The following BANK1 variants were observed in gnomAD, a reference collection of about 807,000 sequenced individuals.
BANK1 encodes the protein B cell scaffold protein with ankyrin repeats 1, also known as B-cell scaffold protein with ankyrin repeats.
A neutral mutation model predicts 94.5 loss-of-function variants in BANK1; 95 were observed. That is an observed-to-expected ratio of 1.00 (90% CI 0.85 to 1.19). The LOEUF (loss-of-function observed/expected upper bound fraction) is 1.19, where lower values mean the gene tolerates loss of function less well. Ranked by LOEUF, BANK1 falls within the 50% of genes most tolerant of loss-of-function variation. The probability of loss-of-function intolerance (pLI) is 0.00; values close to 1 mark genes in which losing one functional copy is unlikely to be tolerated. For missense variants in BANK1, 987 were observed against 932.2 expected (o/e 1.06, Z -0.77); for synonymous variants, 334 against 308.4 (o/e 1.08, Z -0.87).
chr4:102,051,137 A>G (rs749784800), intron 11 of BANK1, among the ~76,000 whole-genome samples: 1 of 152,182 alleles, frequency 6.6e-6, no homozygotes, highest in Non-Finnish European at 1.5e-5. Flanking sequence ...AGACCTGGAG[A>G]AATGGGGAAG....
chr4:101,983,780 G>C lies in BANK1; in HGVS notation c.1207-37734G>C, dbSNP rs1223593739. 2.6e-5 allele frequency among the ~76,000 whole-genome samples: 4 copies of C among 152,062 alleles called. No individual in the cohort carries two copies. The East Asian group carries it at 7.7e-4, about 29-fold the overall frequency. On this transcript the variant is annotated intron_variant, in intron 7 of 16. Transcript: ENST00000322953. ...TTATTTAGCTGAAAGCATTAGATTT[G>C]TCAGTGCTTCAAAGCCTCCCCAAAT... is the stretch of plus-strand genomic sequence containing the variant.
chr4:101,886,056 C>G (rs1560616730), intron 5 of BANK1, among the ~76,000 whole-genome samples: 1 of 152,144 alleles, frequency 6.6e-6, no homozygotes, highest in Non-Finnish European at 1.5e-5. Context: ...TTTGGGACCA[C>G]TGTTGTATAT....
chr4:102,015,407 C>G (rs1726660017), intron 7 of BANK1, among the ~76,000 whole-genome samples: 2 of 152,066 alleles, frequency 1.3e-5, no homozygotes, highest in Non-Finnish European at 2.9e-5. Flanking sequence ...TTGGTAAATA[C>G]CATGACTTCA....
intron 7 of BANK1, among the ~76,000 whole-genome samples, chr4:101,946,290 C>A (rs1049791161): frequency 1.3e-5 from 2 of 151,912 alleles, no homozygotes; most frequent in African/African-American, 4.8e-5. Context: ...GCCAGTATGG[C>A]CAAATATAAA....
intron 10 of BANK1, among the ~76,000 whole-genome samples, chr4:102,030,596 G>A (rs186979207): frequency 0.017 from 541 of 31,722 alleles, 5 homozygotes; most frequent in African/African-American, 0.05. Flanking sequence ...CCCCCACCCC[G>A]CAACAGGCCC....
chr4:101,871,069 A>G (rs563199729), intron 5 of BANK1, among the ~76,000 whole-genome samples: 5 of 152,258 alleles, frequency 3.3e-5, no homozygotes, highest in Admixed American at 1.3e-4. Flanking sequence ...CAAAAAGGGA[A>G]CGTGTGGTGT....
intron 7 of BANK1, among the ~76,000 whole-genome samples, chr4:101,944,289 A>C (rs72916163): frequency 0.032 from 4,830 of 151,974 alleles, 270 homozygotes; most frequent in African/African-American, 0.11. Context: ...GTAAAACTAT[A>C]GTGAATAATA....
At chr4:101,936,490 A>G (rs1308731533) in intron 7 of BANK1, among the ~76,000 whole-genome samples, 1 of 150,504 alleles carries the variant, frequency 6.6e-6, no homozygotes, top group Admixed American at 6.6e-5. Flanking sequence ...ACATGTGTAT[A>G]CATATATGTA....
At chr4:102,050,161 C>T (rs1578479550) in intron 11 of BANK1, among the ~76,000 whole-genome samples, 1 of 152,270 alleles carries the variant, frequency 6.6e-6, no homozygotes, top group East Asian at 1.9e-4. Context: ...TTTTAATAAA[C>T]TTTCAATACT....
chr4:101,957,848 T>TC (rs1438963461), intron 7 of BANK1, among the ~76,000 whole-genome samples: 1 of 146,904 alleles, frequency 6.8e-6, no homozygotes, highest in East Asian at 2.0e-4. Flanking sequence ...TTTTTGCTTT[T>TC]TTTTTTTTTT....
At chr4:101,823,586 A>G (rs1051471128) in intron 1 of BANK1, among the ~76,000 whole-genome samples, 6 of 152,238 alleles carry the variant, frequency 3.9e-5, no homozygotes, top group Non-Finnish European at 7.3e-5. Flanking sequence ...CCAACTAGAC[A>G]TAAAAAGTGA....
intron 1 of BANK1, among the ~76,000 whole-genome samples, chr4:101,824,258 G>A (rs954573067): frequency 2.0e-5 from 3 of 152,164 alleles, no homozygotes; most frequent in South Asian, 2.1e-4. Context: ...TAGCACCAGC[G>A]AAAGTCCTCA....
At chr4:101,953,114 T>G (rs1227542699) in intron 7 of BANK1, among the ~76,000 whole-genome samples, 2 of 152,116 alleles carry the variant, frequency 1.3e-5, no homozygotes, top group Non-Finnish European at 2.9e-5. Flanking sequence ...AAGGCTGAGA[T>G]GATGGAAATG....
intron 11 of BANK1, among the ~76,000 whole-genome samples, chr4:102,059,189 C>A (rs1399957726): frequency 6.6e-6 from 1 of 152,162 alleles, no homozygotes; most frequent in Non-Finnish European, 1.5e-5. Flanking sequence ...CTGTTTCTTT[C>A]TTGAAGAGGC....
chr4:101,792,077 A>G (rs1435888286), intron 1 of BANK1, among the ~76,000 whole-genome samples: 1 of 152,212 alleles, frequency 6.6e-6, no homozygotes, highest in Non-Finnish European at 1.5e-5. Context: ...ATTTTGTTAG[A>G]GAATGGGGTA....
intron 13 of BANK1, among the ~76,000 whole-genome samples, chr4:102,067,017 G>A (rs948480821): frequency 2.6e-5 from 4 of 152,074 alleles, no homozygotes; most frequent in Non-Finnish European, 5.9e-5. Flanking sequence ...GAGAGAGAGG[G>A]TAAAGTAAGC....
intron 7 of BANK1, among the ~76,000 whole-genome samples, chr4:102,008,149 A>T (rs1726367010): frequency 6.6e-6 from 1 of 152,146 alleles, no homozygotes; most frequent in African/African-American, 2.4e-5. Flanking sequence ...GTACAAAGAG[A>T]TGTGGACTTA....
intron 5 of BANK1, among the ~76,000 whole-genome samples, chr4:101,894,399 G>T (rs983310452): frequency 4.6e-5 from 7 of 151,960 alleles, no homozygotes; most frequent in African/African-American, 2.4e-5. Context: ...AATCCAGGGA[G>T]ACCTAAACCA....
At chr4:102,039,191 G>T (rs931861368) in intron 10 of BANK1, among the ~76,000 whole-genome samples, 1 of 152,090 alleles carries the variant, frequency 6.6e-6, no homozygotes, top group Admixed American at 6.6e-5. Flanking sequence ...TGGCTGATGT[G>T]GCTGTCTGTG....
Sources: allele counts gnomAD v4.1 joint callset (sites outside exome capture counted in the v4.1 genomes callset), GRCh38; gene constraint gnomAD v4.1.1; transcripts MANE v1.5; gene names NCBI Gene and HGNC (gene_info 2026-07-23, HGNC 2026-07-21).